Variants in MS4A13 observed in about 807,000 individuals in gnomAD.
MS4A13 encodes the protein membrane spanning 4-domains A13, also known as membrane-spanning 4-domains subfamily A member 13.
A neutral mutation model predicts 18.4 loss-of-function variants in MS4A13; 21 were observed. The ratio of observed to expected loss-of-function variants is 1.14; its 90% CI spans 0.81 to 1.64. The LOEUF is 1.64. MS4A13 is among the 40% of genes most tolerant of loss of function. MS4A13 has a pLI of 0.00. For missense variants in MS4A13, 173 were observed against 176.8 expected (o/e 0.98, Z 0.12); for synonymous variants, 62 against 57.2 (o/e 1.08, Z -0.38).
intron 5 of MS4A13, among the ~76,000 whole-genome samples, chr11:60,528,234 A>G (rs1203049676): frequency 1.3e-5 from 2 of 152,216 alleles, no homozygotes; most frequent in African/African-American, 4.8e-5. Context: ...AATTTATGCT[A>G]TTAAACTCTT....
chr11:60,525,402 A>C, intron 5 of MS4A13, 76 bp downstream of exon 5: 1 of 1,009,410 alleles, frequency 9.9e-7, no homozygotes, highest in South Asian at 1.8e-5. Context: ...TTAGGAGGTA[A>C]GATGAGGCTT....
chr11:60,531,419 C>T (rs2086765960), intron 6 of MS4A13, among the ~76,000 whole-genome samples: 1 of 152,148 alleles, frequency 6.6e-6, no homozygotes, highest in Non-Finnish European at 1.5e-5. Context: ...CAAAGCTATA[C>T]ACATACTAAG....
chr11:60,517,670 A>T (rs552012640), intron 2 of MS4A13, among the ~76,000 whole-genome samples: 1 of 152,302 alleles, frequency 6.6e-6, no homozygotes, highest in East Asian at 1.9e-4. Context: ...ATAAATTACT[A>T]ATGTACAAGA....
At chr11:60,530,842 T>A (rs190780871) in intron 6 of MS4A13, among the ~76,000 whole-genome samples, 1 of 152,174 alleles carries the variant, frequency 6.6e-6, no homozygotes, top group Non-Finnish European at 1.5e-5. Flanking sequence ...TCTCATGAGA[T>A]CTGATAGTTT....
rs187594893 is a variant in MS4A13 at position 60,523,815 on chromosome 11, A to G, written c.130-82A>G. ...ACTATTAGCATTCTTAAAATAATTG[A>G]CTTACAAGAGAGTTATTAAAAGTAC... is the stretch of plus-strand genomic sequence containing the variant. On this transcript the variant is annotated intron_variant, in intron 3 of 6. Transcript: ENST00000378186. The G allele has an allele frequency of 3.4e-3, 2,795 of 822,470 alleles. 13 individuals carry two copies. The highest frequency in any genetic ancestry group is 4.4e-3 in the Non-Finnish European group (2,186 of 496,652). The allele number at this position is 822,470 out of a possible 1,614,324, so 50.9% of individuals were successfully genotyped here. A position where few individuals can be genotyped will look rare whatever the true frequency, so the allele number is the denominator to read the frequency against.
chr11:60,529,682 A>G (rs1171720260), intron 6 of MS4A13, among the ~76,000 whole-genome samples: 1 of 152,216 alleles, frequency 6.6e-6, no homozygotes, highest in Non-Finnish European at 1.5e-5. Flanking sequence ...TAGAGTAAAA[A>G]GTGATTTTTC....
At chr11:60,518,841 A>G (rs2086655214) in intron 3 of MS4A13, among the ~76,000 whole-genome samples, 1 of 152,226 alleles carries the variant, frequency 6.6e-6, no homozygotes, top group Non-Finnish European at 1.5e-5. Flanking sequence ...AGTTGATTTA[A>G]GAAAAAAATA....
chr11:60,522,253 G>GT (rs2086682055), intron 3 of MS4A13, among the ~76,000 whole-genome samples: 1 of 25,836 alleles, frequency 3.9e-5, no homozygotes, highest in East Asian at 1.7e-3. Context: ...TATATATATA[G>GT]ATATATACAC....
At chr11:60,520,215 G>A (rs1475643153) in intron 3 of MS4A13, among the ~76,000 whole-genome samples, 1 of 152,130 alleles carries the variant, frequency 6.6e-6, no homozygotes, top group African/African-American at 2.4e-5. Flanking sequence ...TAGTGAATAA[G>A]TCTCACAAGA....
rs568332275 is a variant in MS4A13, at chr11:60,518,191, A to T, written c.108A>T (p.Gly36=). 3 of 1,610,758 alleles carry T rather than the reference A, an allele frequency of 1.9e-6. No homozygotes were observed. Among genetic ancestry groups the T allele is most frequent in the Admixed American group, 1.7e-5 (1 of 59,838 alleles). Residue 36 remains glycine, a synonymous_variant, in exon 3 of 7, where the codon GGA becomes GGT. Coordinates refer to ENST00000378186, the MANE Select transcript of MS4A13 (RefSeq NM_001012417.3). ...ATGAACCTGTAACTTACAAAACAGG[A>T]TGTACTTTATGGGGAATTTTTGTGA... ...GTYEPVTYKT[G]CTLWGIFFII...
downstream of MS4A13, among the ~76,000 whole-genome samples, chr11:60,542,972 T>C (rs758819691): frequency 4.0e-4 from 61 of 152,126 alleles, no homozygotes; most frequent in Non-Finnish European, 8.1e-4. Flanking sequence ...AGAAAGCACA[T>C]TTTACAGTCT....
intron 5 of MS4A13, among the ~76,000 whole-genome samples, chr11:60,527,538 A>G (rs1321275566): frequency 6.6e-6 from 1 of 151,910 alleles, no homozygotes. Context: ...ACTCTCATAT[A>G]AATTAAAGAA....
At chr11:60,523,199 A>G (rs934643157) in intron 3 of MS4A13, among the ~76,000 whole-genome samples, 1 of 152,168 alleles carries the variant, frequency 6.6e-6, no homozygotes, top group Non-Finnish European at 1.5e-5. Context: ...GGCTTCCTAC[A>G]TATAGTGTAT....
intron 6 of MS4A13, among the ~76,000 whole-genome samples, chr11:60,532,572 C>T (rs2086778970): frequency 6.6e-6 from 1 of 152,132 alleles, no homozygotes; most frequent in African/African-American, 2.4e-5. Flanking sequence ...GATCAAACTG[C>T]GAGGTGGCAG....
chr11:60,543,043 T>C (rs569299581), downstream of MS4A13, among the ~76,000 whole-genome samples: 3 of 152,300 alleles, frequency 2.0e-5, no homozygotes, highest in Admixed American at 1.3e-4. Flanking sequence ...CTAATTCATA[T>C]TTCCTTCATT....
At chr11:60,542,473 TA>T in intron 6 of MS4A13, 45 bp from the exon 7 acceptor site, 1 of 1,346,760 alleles carries the variant, frequency 7.4e-7, no homozygotes, top group Non-Finnish European at 1.0e-6. Context: ...AGTTGTATAA[TA>T]TTAAGAAACA....
At chr11:60,523,437 T>C (rs951619374) in intron 3 of MS4A13, among the ~76,000 whole-genome samples, 3 of 152,208 alleles carry the variant, frequency 2.0e-5, no homozygotes, top group African/African-American at 4.8e-5. Flanking sequence ...TACAATCTCA[T>C]AAAAGAGACT....
At chr11:60,527,974 G>T (rs7934657) in intron 5 of MS4A13, among the ~76,000 whole-genome samples, 145,414 of 152,336 alleles carry the variant, frequency 0.95, 69,780 homozygotes, top group East Asian at 1. Context: ...GCCAACAAAA[G>T]TAAATCAAAA....
At chr11:60,538,316 T>C (rs1288608659) in intron 6 of MS4A13, among the ~76,000 whole-genome samples, 1 of 151,654 alleles carries the variant, frequency 6.6e-6, no homozygotes, top group African/African-American at 2.4e-5. Context: ...CAGTTTTCGT[T>C]AGACAGGAGG....
Sources: allele counts gnomAD v4.1 joint callset (sites outside exome capture counted in the v4.1 genomes callset), GRCh38; gene constraint gnomAD v4.1.1; transcripts MANE v1.5; gene names NCBI Gene and HGNC (gene_info 2026-07-23, HGNC 2026-07-21).